Variants in FBXW7 observed in about 807,000 individuals in gnomAD.
FBXW7 encodes the protein F-box/WD repeat-containing protein 7.
Under a neutral mutation model 86.3 loss-of-function variants are expected in FBXW7, and 11 were observed. That is an observed-to-expected ratio of 0.13 (90% CI 0.08 to 0.21). The LOEUF is 0.21. Ranked by LOEUF, FBXW7 falls within the 10% of genes least tolerant of loss-of-function variation. The pLI, the probability that FBXW7 is intolerant of heterozygous loss-of-function variation, is 1.00. For synonymous variants in FBXW7, 313 were observed against 297.9 expected, an observed-to-expected ratio of 1.05 and a Z score of -0.52; for missense variants, 488 against 847.4, an observed-to-expected ratio of 0.58 and a Z score of 5.27.
intron 7 of FBXW7, chr4:152,337,595 T>TA (rs1269088493): frequency 4.4e-6 from 2 of 455,292 alleles, no homozygotes; most frequent in African/African-American, 2.0e-5. Flanking sequence ...GGAAAGGAGT[T>TA]ACTTAGTTCA....
intron 2 of FBXW7, among the ~76,000 whole-genome samples, chr4:152,528,489 T>A (rs1749729691): frequency 6.6e-6 from 1 of 152,252 alleles, no homozygotes; most frequent in Non-Finnish European, 1.5e-5. Flanking sequence ...AAATCAAGTG[T>A]TAACTCAAAA....
chr4:152,356,869 A>G (rs1182459581), intron 4 of FBXW7, among the ~76,000 whole-genome samples: 3 of 152,182 alleles, frequency 2.0e-5, no homozygotes, highest in African/African-American at 7.2e-5. Context: ...ATATTTATTC[A>G]TTCAGTAAGC....
intron 13 of FBXW7, 82 bp downstream of exon 13, chr4:152,324,100 CTT>C (rs1478718182): frequency 1.6e-5 from 17 of 1,094,402 alleles, no homozygotes; most frequent in South Asian, 1.2e-4. Flanking sequence ...GAGGTTGACT[CTT>C]TTTGTGATGC....
intron 2 of FBXW7, among the ~76,000 whole-genome samples, chr4:152,461,472 G>T (rs1742938169): frequency 6.6e-6 from 1 of 151,970 alleles, no homozygotes; most frequent in Non-Finnish European, 1.5e-5. Flanking sequence ...ATCCACGGTT[G>T]GTTGAATCTG....
intron 2 of FBXW7, among the ~76,000 whole-genome samples, chr4:152,519,667 C>A (rs973175351): frequency 2.6e-5 from 4 of 152,222 alleles, no homozygotes; most frequent in African/African-American, 9.6e-5. Flanking sequence ...ACTTCAATTT[C>A]ACAATTATTT....
At chr4:152,498,386 C>A (rs1420987822) in intron 2 of FBXW7, among the ~76,000 whole-genome samples, 1 of 152,124 alleles carries the variant, frequency 6.6e-6, no homozygotes, top group Non-Finnish European at 1.5e-5. Flanking sequence ...GTCTCAGACT[C>A]CTTGAGGAAG....
chr4:152,507,936 A>T (rs1476644196), intron 2 of FBXW7, among the ~76,000 whole-genome samples: 5 of 151,594 alleles, frequency 3.3e-5, no homozygotes, highest in African/African-American at 1.2e-4. Context: ...GGTGGCACAT[A>T]CCTGGCCTGT....
intron 2 of FBXW7, among the ~76,000 whole-genome samples, chr4:152,471,827 GAGT>G (rs779710462): frequency 3.9e-5 from 6 of 152,124 alleles, no homozygotes; most frequent in Non-Finnish European, 7.3e-5. Context: ...TTGAGCCCAA[GAGT>G]TCAAGGCCGC....
intron 2 of FBXW7, among the ~76,000 whole-genome samples, chr4:152,413,199 T>A (rs1054993076): frequency 1.3e-5 from 2 of 152,054 alleles, no homozygotes; most frequent in Non-Finnish European, 2.9e-5. Flanking sequence ...GAAGCCCATA[T>A]CCTAAAATTT....
chr4:152,478,742 G>A (rs957203600), intron 2 of FBXW7, among the ~76,000 whole-genome samples: 8 of 151,960 alleles, frequency 5.3e-5, no homozygotes, highest in Admixed American at 1.3e-4. Flanking sequence ...TATTTTCTGT[G>A]TCTTTGCTAA....
intron 4 of FBXW7, among the ~76,000 whole-genome samples, chr4:152,407,324 G>T (rs953189438): frequency 1.3e-5 from 2 of 152,182 alleles, no homozygotes; most frequent in Admixed American, 1.3e-4. Context: ...TAGGGGACAT[G>T]GCTATTCATT....
At chr4:152,352,771 T>C (rs777402793) in intron 4 of FBXW7, 4 of 1,605,980 alleles carry the variant, frequency 2.5e-6, no homozygotes, top group East Asian at 4.5e-5. Context: ...GAGGGAATAA[T>C]GAGAGAGAAC....
chr4:152,401,591 A>T (rs1455428260), intron 4 of FBXW7, among the ~76,000 whole-genome samples: 2 of 152,190 alleles, frequency 1.3e-5, no homozygotes, highest in African/African-American at 4.8e-5. Context: ...ACCATTCTCT[A>T]TGGTACTACA....
At chr4:152,331,342 G>A (rs1001375827) in intron 8 of FBXW7, among the ~76,000 whole-genome samples, 1 of 151,994 alleles carries the variant, frequency 6.6e-6, no homozygotes, top group Non-Finnish European at 1.5e-5. Flanking sequence ...AGGGTCCATC[G>A]AAAGATGGAT....
intron 4 of FBXW7, among the ~76,000 whole-genome samples, chr4:152,405,146 C>T (rs994718057): frequency 1.4e-5 from 2 of 139,084 alleles, no homozygotes; most frequent in African/African-American, 5.3e-5. Context: ...GTTCACATTA[C>T]AGTTTGCCAG....
chr4:152,414,629 T>A lies in FBXW7; in HGVS notation c.-119-2100A>T, dbSNP rs1362192796. On this transcript the variant is annotated intron_variant, in intron 2 of 13. Transcript: ENST00000281708. ...GTTTCAAATAAATTGAAAGTTCAGA[T>A]AGCTCAGATAAAATAAAGTTGGACT... Among the ~76,000 whole-genome samples the A allele has an allele frequency of 2.6e-5, 4 of 152,160 alleles. No homozygotes were observed. The East Asian group carries it at 7.7e-4, about 29-fold the overall frequency.
intron 2 of FBXW7, among the ~76,000 whole-genome samples, chr4:152,503,640 T>C: frequency 7.6e-6 from 1 of 131,416 alleles, no homozygotes; most frequent in East Asian, 2.3e-4. Flanking sequence ...TGTCACTATG[T>C]AGCTGTAAAA....
At chr4:152,481,856 A>G (rs1384692696) in intron 2 of FBXW7, among the ~76,000 whole-genome samples, 2 of 152,230 alleles carry the variant, frequency 1.3e-5, no homozygotes, top group Non-Finnish European at 1.5e-5. Context: ...GAGCAAAGAA[A>G]GTGATTTCTT....
chr4:152,410,288 T>C (rs1394348170), intron 4 of FBXW7, among the ~76,000 whole-genome samples: 3 of 152,072 alleles, frequency 2.0e-5, no homozygotes, highest in South Asian at 2.1e-4. Flanking sequence ...TGATCAAGAC[T>C]AGGGGGGCAA....
Sources: gnomAD v4.1 joint callset for allele counts (sites outside exome capture counted in the v4.1 genomes callset) on GRCh38, gnomAD v4.1.1 for gene constraint, MANE v1.5 for transcripts, NCBI Gene and HGNC (gene_info 2026-07-23, HGNC 2026-07-21) for gene names.